AP3D1: variants seen among roughly 807,000 people sequenced by gnomAD.
AP3D1 encodes adaptor related protein complex 3 subunit delta 1.
In AP3D1, 51 loss-of-function variants were observed where a neutral mutation model predicts 147.6. The observed-to-expected ratio is 0.35, with a 90% CI of 0.28 to 0.44. The LOEUF (loss-of-function observed/expected upper bound fraction) is 0.44, where lower values mean the gene tolerates loss of function less well. Among genes scored for constraint, AP3D1 ranks in the 20% least tolerant of loss-of-function variants. The pLI is 1.00. For synonymous variants in AP3D1, 760 were observed against 663.0 expected (o/e 1.15, Z -2.25); for missense variants, 1,421 against 1,624.2 (o/e 0.87, Z 2.15).
chr19:2,129,512 CCTA>C (rs2145108378), intron 6 of AP3D1, 55 bp from the exon 7 acceptor site: 1 of 1,575,610 alleles, frequency 6.3e-7, no homozygotes, highest in African/African-American at 1.4e-5. Context: ...AGAAAACCAT[CCTA>C]CTGTCTTCCT....
intron 1 of AP3D1, among the ~76,000 whole-genome samples, chr19:2,139,059 CAAAAAAAAAA>C (rs60728832): frequency 1.0e-3 from 63 of 61,666 alleles, no homozygotes; most frequent in South Asian, 6.0e-3. Context: ...GACTCCGTCT[CAAAAAAAAAA>C]AAAAAAAAAA....
chr19:2,109,780 C>T, intron 29 of AP3D1, 93 bp downstream of exon 29: 2 of 1,244,136 alleles, frequency 1.6e-6, no homozygotes, highest in Non-Finnish European at 2.3e-6. Context: ...AAAGTCCTGC[C>T]CAGAAGCCTC....
chr19:2,110,094 C>T (rs758271852), intron 28 of AP3D1, 42 bp downstream of exon 28: 1 of 1,601,184 alleles, frequency 6.2e-7, no homozygotes, highest in Non-Finnish European at 8.5e-7. Flanking sequence ...GAGCCCCTGC[C>T]TGCAGAGTCG....
Position 2,138,652 on chromosome 19 carries a change from C to CATA in AP3D1, c.158_159insTAT (p.Ala53_Val54insMet). 1 of 1,613,972 alleles carries CATA rather than the reference C, an allele frequency of 6.2e-7. No homozygotes were observed. The highest frequency in any genetic ancestry group is 8.5e-7 in the Non-Finnish European group (1 of 1,180,020). On this transcript the variant is annotated inframe_insertion, in exon 2 of 32. Transcript: ENST00000643116. ...GCTTGCAGACCGCGTTCGCCTTCAC[C>CATA]GCTATGTTGTCCTGCTTCAGCTCCT...
chr19:2,111,415 T>C (rs1293724209), intron 25 of AP3D1, 83 bp from the exon 26 acceptor site: 2 of 1,533,470 alleles, frequency 1.3e-6, no homozygotes, highest in Non-Finnish European at 1.8e-6. Context: ...ATACCCCAGG[T>C]CGAATGCCAC....
chr19:2,131,238 C>T (rs1345459346), intron 5 of AP3D1, among the ~76,000 whole-genome samples: 1 of 152,282 alleles, frequency 6.6e-6, no homozygotes, highest in Non-Finnish European at 1.5e-5. Flanking sequence ...TGACAATCTC[C>T]AAGACCATCA....
Position 2,136,998 on chromosome 19 carries a change from C to A in AP3D1, c.354+13G>T, listed in dbSNP as rs764696291. 1.8e-5 allele frequency: 29 copies of A among 1,576,692 alleles called. No individual in the cohort carries two copies. In the Admixed American group the frequency reaches 4.9e-4, roughly 27 times the overall value. On this transcript the variant is annotated intron_variant, in intron 4 of 31. Transcript: ENST00000643116. ...CACTCAGCACAGAGCGGCCCCGGCC[C>A]GGGAACACCCACCTTACGGATCTGA... is the stretch of plus-strand genomic sequence containing the variant.
rs1337227526 is a variant in AP3D1 at position 2,137,177 on chromosome 19, G to A, written c.274-86C>T. ...CTCTGCTCTGCAGCGACCACACCAG[G>A]CAGCGCCAGCCCAGAAGCAACACCC... On this transcript the variant is annotated intron_variant, in intron 3 of 31. Coordinates refer to ENST00000643116, the MANE Select transcript of AP3D1 (RefSeq NM_001261826.3). The A allele has an allele frequency of 2.5e-6, 3 of 1,212,950 alleles. No individual in the cohort carries two copies. The African/African-American group carries it at 4.5e-5, about 18-fold the overall frequency. The allele number at this position is 1,212,950 out of a possible 1,614,324, so 75.1% of individuals were successfully genotyped here.
intron 1 of AP3D1, among the ~76,000 whole-genome samples, chr19:2,148,146 C>CAAAAA (rs5826756): frequency 2.0e-5 from 2 of 98,136 alleles, no homozygotes; most frequent in Non-Finnish European, 4.0e-5. Flanking sequence ...GACTCCGTCT[C>CAAAAA]AAAAAAAAAA....
Position 2,130,499 on chromosome 19 carries a change from C to T in AP3D1, c.501G>A (p.Val167=). ...TCAGGAACACCTTGTACATGATCAG[C>T]ACAGCCTTCTTCCTGATGTAGGGCT... is the stretch of plus-strand genomic sequence containing the variant. ...HTKPYIRKKA[V]LIMYKVFLKY... Residue 167 remains valine (V), a synonymous_variant, in exon 6 of 32, where the codon GTG becomes GTA. Transcript: ENST00000643116. The T allele has an allele frequency of 4.3e-6, 7 of 1,614,120 alleles. No homozygotes were observed. Among genetic ancestry groups the T allele is most frequent in the African/African-American group, 1.3e-5 (1 of 75,074 alleles).
intron 1 of AP3D1, among the ~76,000 whole-genome samples, chr19:2,142,649 C>T (rs779743362): frequency 9.2e-5 from 14 of 152,284 alleles, no homozygotes; most frequent in African/African-American, 1.2e-4. Context: ...TGAGGGGAGC[C>T]GGGCCGCTGA....
At chr19:2,138,961 A>G (rs1230671464) in intron 1 of AP3D1, among the ~76,000 whole-genome samples, 1 of 150,208 alleles carries the variant, frequency 6.7e-6, no homozygotes, top group Non-Finnish European at 1.5e-5. Context: ...TCAGGAGGCT[A>G]AGGCAGGAGA....
chr19:2,111,039 G>A (rs77605654), intron 26 of AP3D1, 143 bp from the exon 27 acceptor site: 1 of 997,404 alleles, frequency 1.0e-6, no homozygotes, highest in Non-Finnish European at 1.5e-6. Context: ...CTAGCCGCAG[G>A]CCAAGCGCCT....
At position 2,116,192 on chromosome 19, in the gene AP3D1, G is replaced by A. The variant is rs375854060; in HGVS notation, c.2073+15C>T. 9.1e-5 allele frequency: 146 copies of A among 1,613,172 alleles called. No individual in the cohort carries two copies. The highest frequency in any genetic ancestry group is 4.5e-4 in the East Asian group (20 of 44,870). Reference sequence around the variant, plus strand: ...AGAGGGTGCTGAGGGACAGGCACCCGGGGACGGGCCTCACCTTCTGTGGCG... The same window carrying A: ...AGAGGGTGCTGAGGGACAGGCACCCAGGGACGGGCCTCACCTTCTGTGGCG... On this transcript the variant is annotated intron_variant, in intron 18 of 31. Coordinates refer to ENST00000643116, the MANE Select transcript of AP3D1 (RefSeq NM_001261826.3).
upstream of AP3D1, among the ~76,000 whole-genome samples, chr19:2,153,537 A>G (rs1467524288): frequency 2.0e-5 from 3 of 150,824 alleles, no homozygotes; most frequent in East Asian, 3.9e-4. Context: ...TTAGTCAGGC[A>G]TGGTTGTGGG....
intron 1 of AP3D1, among the ~76,000 whole-genome samples, chr19:2,146,104 G>A (rs984557867): frequency 2.6e-5 from 4 of 152,266 alleles, no homozygotes; most frequent in East Asian, 1.9e-4. Flanking sequence ...CCACATGTCC[G>A]ACTATGTATG....
At chr19:2,114,362 A>G in intron 21 of AP3D1, 60 bp from the exon 22 acceptor site, 1 of 1,422,886 alleles carries the variant, frequency 7.0e-7, no homozygotes, top group South Asian at 1.2e-5. Context: ...AGGACCACTC[A>G]GTACATGCCG....
At chr19:2,132,904 T>C (rs2018987551) in intron 4 of AP3D1, among the ~76,000 whole-genome samples, 1 of 152,002 alleles carries the variant, frequency 6.6e-6, no homozygotes, top group Non-Finnish European at 1.5e-5. Flanking sequence ...TCCTCCTGGA[T>C]GGGCAGGGCT....
At chr19:2,128,264 G>C (rs147892340) in intron 8 of AP3D1, among the ~76,000 whole-genome samples, 1,708 of 152,230 alleles carry the variant, frequency 0.011, 13 homozygotes, top group Non-Finnish European at 0.02. Context: ...CAACCTTGCA[G>C]TGCGGAGACC....
Sources: allele counts gnomAD v4.1 joint callset (sites outside exome capture counted in the v4.1 genomes callset), GRCh38; gene constraint gnomAD v4.1.1; transcripts MANE v1.5; gene names NCBI Gene and HGNC (gene_info 2026-07-23, HGNC 2026-07-21).